Variants in WDR49 observed in about 807,000 individuals in gnomAD.
WDR49 encodes the protein WD repeat domain 49.
In WDR49, 107 loss-of-function variants were observed where a neutral mutation model predicts 119.5. The observed-to-expected ratio is 0.90, with a 90% confidence interval of 0.77 to 1.05. The LOEUF (loss-of-function observed/expected upper bound fraction) is 1.05. Among genes scored for constraint, WDR49 ranks in the 50% least tolerant of loss-of-function variants. The pLI, the probability that WDR49 is intolerant of heterozygous loss-of-function variation, is 0.00. For missense variants in WDR49, 1,240 were observed against 1,220.5 expected, an observed-to-expected ratio of 1.02 and a Z score of -0.24; for synonymous variants, 425 against 418.8, an observed-to-expected ratio of 1.01 and a Z score of -0.18.
chr3:167,626,259 G>T (rs750346623), intron 3 of WDR49, among the ~76,000 whole-genome samples: 3 of 152,004 alleles, frequency 2.0e-5, no homozygotes, highest in Non-Finnish European at 2.9e-5. Flanking sequence ...TGAATACTAG[G>T]TACATCAGGT....
intron 15 of WDR49, among the ~76,000 whole-genome samples, chr3:167,523,072 C>T (rs1752510740): frequency 6.6e-6 from 1 of 152,068 alleles, no homozygotes; most frequent in Admixed American, 6.6e-5. Flanking sequence ...ACACTTCATG[C>T]ACACAGAATG....
At chr3:167,520,345 C>T (rs1054516682) in intron 16 of WDR49, among the ~76,000 whole-genome samples, 2 of 152,042 alleles carry the variant, frequency 1.3e-5, no homozygotes, top group African/African-American at 2.4e-5. Flanking sequence ...TAATACTTGC[C>T]TTCACTCTGC....
In WDR49 at chr3:167,621,450, A is replaced by G. The variant is rs773707351; in HGVS notation, c.783+17T>C. 48 of 1,508,190 alleles carry G rather than the reference A, an allele frequency of 3.2e-5. No individual in the cohort carries two copies. The highest frequency in any genetic ancestry group is 4.2e-5 in the African/African-American group (3 of 71,928). 93.4% of individuals were successfully genotyped at this position (1,508,190 alleles called of 1,614,324 possible). A position where few individuals can be genotyped will look rare whatever the true frequency, so the allele number is the denominator to read the frequency against. On this transcript the variant is annotated intron_variant, in intron 4 of 18. Transcript: ENST00000682715. ...GATTAAATCCATAGTATTCAATCTT[A>G]ATCTACCCTCACTTACCTTTCCAGT...
At chr3:167,565,573 C>T (rs1713546043) in intron 8 of WDR49, among the ~76,000 whole-genome samples, 1 of 152,002 alleles carries the variant, frequency 6.6e-6, no homozygotes, top group African/African-American at 2.4e-5. Context: ...GAAGGTCTCC[C>T]TGAGGAATCA....
intron 12 of WDR49, among the ~76,000 whole-genome samples, chr3:167,531,576 G>A (rs1417999020): frequency 6.6e-6 from 1 of 152,014 alleles, no homozygotes. Flanking sequence ...ATCCTAATAT[G>A]CCCAGGACAA....
chr3:167,612,805 G>A (rs961150577), intron 5 of WDR49, among the ~76,000 whole-genome samples: 4 of 151,968 alleles, frequency 2.6e-5, no homozygotes, highest in Middle Eastern at 3.2e-3. Flanking sequence ...GGCACAAAAA[G>A]ACAAACATTG....
rs148350600 is a variant in WDR49 at position 167,621,322 on chromosome 3, A to C, written c.783+145T>G. On this transcript the variant is annotated intron_variant, in intron 4 of 18. Coordinates refer to ENST00000682715, the MANE Select transcript of WDR49 (RefSeq NM_001366157.1). ...TACGCAAGAAGACAAATTGTGACCT[A>C]ATCCATCTCTTCCATGTCCAATGTG... The C allele has an allele frequency of 2.7e-4, 227 of 831,578 alleles. 1 individual carries two copies. In the East Asian group the frequency reaches 5.2e-3, roughly 19 times the overall value. 51.5% of individuals were successfully genotyped at this position (831,578 alleles called of 1,614,324 possible).
chr3:167,627,738 T>G (rs1191468720), intron 2 of WDR49, among the ~76,000 whole-genome samples: 1 of 152,068 alleles, frequency 6.6e-6, no homozygotes, highest in Non-Finnish European at 1.5e-5. Flanking sequence ...GAACTGTATA[T>G]TAATATATTT....
At chr3:167,541,648 A>G (rs1249944328) in intron 10 of WDR49, among the ~76,000 whole-genome samples, 1 of 152,116 alleles carries the variant, frequency 6.6e-6, no homozygotes, top group African/African-American at 2.4e-5. Context: ...CAACAACAAC[A>G]ACAATGTATT....
chr3:167,556,278 T>C (rs1560284028), intron 9 of WDR49, among the ~76,000 whole-genome samples: 1 of 152,236 alleles, frequency 6.6e-6, no homozygotes, highest in Non-Finnish European at 1.5e-5. Flanking sequence ...TGCTTCCTTA[T>C]CTGTGATACA....
intron 8 of WDR49, among the ~76,000 whole-genome samples, chr3:167,570,580 GA>G (rs937124023): frequency 6.6e-6 from 1 of 152,100 alleles, no homozygotes; most frequent in African/African-American, 2.4e-5. Flanking sequence ...GTTAAGGGTG[GA>G]AAAGTTTACT....
chr3:167,511,292 T>C (rs1751961382), intron 16 of WDR49, among the ~76,000 whole-genome samples: 1 of 152,238 alleles, frequency 6.6e-6, no homozygotes, highest in East Asian at 1.9e-4. Context: ...CAATCCAGTC[T>C]CATCTGAATT....
chr3:167,572,326 G>T (rs903062852), intron 8 of WDR49, among the ~76,000 whole-genome samples: 2 of 152,162 alleles, frequency 1.3e-5, no homozygotes, highest in South Asian at 4.1e-4. Context: ...AAGACAGGAA[G>T]ATAAATAAAA....
At chr3:167,560,018 T>C in intron 9 of WDR49, 46 bp downstream of exon 9, 1 of 1,597,676 alleles carries the variant, frequency 6.3e-7, no homozygotes, top group South Asian at 1.1e-5. Context: ...GGCATAGTAT[T>C]TTAGTCTCCT....
chr3:167,570,910 C>G (rs1324945305), intron 8 of WDR49, among the ~76,000 whole-genome samples: 3 of 151,816 alleles, frequency 2.0e-5, no homozygotes, highest in African/African-American at 7.3e-5. Flanking sequence ...GTGGCGCACA[C>G]CTGTAATCCC....
At chr3:167,588,840 C>T (rs1279544965) in intron 7 of WDR49, among the ~76,000 whole-genome samples, 2 of 151,702 alleles carry the variant, frequency 1.3e-5, no homozygotes, top group Non-Finnish European at 2.9e-5. Flanking sequence ...GTTATTAATC[C>T]CTTGTCAGAT....
chr3:167,642,007 GA>G (rs202113533), intron 2 of WDR49, among the ~76,000 whole-genome samples: 2,095 of 151,956 alleles, frequency 0.014, 18 homozygotes, highest in Non-Finnish European at 0.022. Flanking sequence ...AGAAGTTAAT[GA>G]AAATTGTTAT....
At chr3:167,606,472 G>A (rs1219540968) in intron 5 of WDR49, among the ~76,000 whole-genome samples, 3 of 152,136 alleles carry the variant, frequency 2.0e-5, no homozygotes, top group Non-Finnish European at 4.4e-5. Flanking sequence ...TACATCCTTT[G>A]TGTTAGTCAA....
chr3:167,588,054 C>A (rs1029095520), intron 7 of WDR49, among the ~76,000 whole-genome samples: 1 of 152,106 alleles, frequency 6.6e-6, no homozygotes, highest in Admixed American at 6.6e-5. Flanking sequence ...TTAATTCTTT[C>A]TATTTTTTAT....
Sources: allele counts gnomAD v4.1 joint callset (sites outside exome capture counted in the v4.1 genomes callset), GRCh38; gene constraint gnomAD v4.1.1; transcripts MANE v1.5; gene names NCBI Gene and HGNC (gene_info 2026-07-23, HGNC 2026-07-21).